Variants in PLCB1 observed in about 807,000 individuals in gnomAD.
PLCB1 encodes 1-phosphatidylinositol 4,5-bisphosphate phosphodiesterase beta-1.
Under a neutral mutation model 161.8 loss-of-function variants are expected in PLCB1, and 46 were observed. That is an observed-to-expected ratio of 0.28 (90% CI 0.22 to 0.36). The LOEUF is 0.36. PLCB1 is among the 10% of genes least tolerant of loss of function. PLCB1 has a pLI of 1.00. For synonymous variants in PLCB1, 517 were observed against 503.7 expected, an observed-to-expected ratio of 1.03 and a Z score of -0.35; for missense variants, 1,016 against 1,472.5, an observed-to-expected ratio of 0.69 and a Z score of 5.07.
At chr20:8,628,945 T>A (rs7270092) in intron 4 of PLCB1, among the ~76,000 whole-genome samples, 25,060 of 150,870 alleles carry the variant, frequency 0.17, 2,606 homozygotes, top group Non-Finnish European at 0.24. Context: ...AAAAAAAAAA[T>A]AAATAAATAA....
chr20:8,870,472 A>C (rs1568631625), intron 31 of PLCB1, among the ~76,000 whole-genome samples: 1 of 152,148 alleles, frequency 6.6e-6, no homozygotes. Flanking sequence ...CTATGTTAGG[A>C]GTTTTCCTCT....
intron 2 of PLCB1, among the ~76,000 whole-genome samples, chr20:8,247,367 C>T (rs115504831): frequency 0.023 from 3,540 of 151,974 alleles, 145 homozygotes; most frequent in African/African-American, 0.08. Context: ...ATTCATTCAA[C>T]ATATCATTTC....
At chr20:8,774,794 AC>A in intron 27 of PLCB1, 75 bp downstream of exon 27, 1 of 1,288,038 alleles carries the variant, frequency 7.8e-7, no homozygotes, top group Non-Finnish European at 1.1e-6. Flanking sequence ...CTTTTGGATA[AC>A]TAAAAGGAGA....
intron 9 of PLCB1, among the ~76,000 whole-genome samples, chr20:8,660,265 C>G (rs1348050691): frequency 6.6e-6 from 1 of 151,986 alleles, no homozygotes; most frequent in Admixed American, 6.6e-5. Flanking sequence ...CCCTTCCTTC[C>G]CTAGTACACA....
chr20:8,213,920 A>G (rs1357074026), intron 2 of PLCB1, among the ~76,000 whole-genome samples: 1 of 152,008 alleles, frequency 6.6e-6, no homozygotes, highest in Admixed American at 6.6e-5. Context: ...AATACAAATA[A>G]CGTCATTTTC....
At chr20:8,810,433 G>T (rs1026528851) in intron 31 of PLCB1, among the ~76,000 whole-genome samples, 3 of 152,046 alleles carry the variant, frequency 2.0e-5, no homozygotes, top group Admixed American at 6.6e-5. Context: ...GTATGAGGGA[G>T]AGTATAGAAG....
chr20:8,266,466 A>G (rs963614871), intron 2 of PLCB1, among the ~76,000 whole-genome samples: 2 of 152,198 alleles, frequency 1.3e-5, no homozygotes, highest in Non-Finnish European at 2.9e-5. Context: ...CTCAGGCATC[A>G]TTTCTTCTTG....
At chr20:8,377,025 G>C (rs904702482) in intron 3 of PLCB1, among the ~76,000 whole-genome samples, 1 of 152,184 alleles carries the variant, frequency 6.6e-6, no homozygotes, top group African/African-American at 2.4e-5. Context: ...CAAATTTCAA[G>C]CTACCAACCT....
intron 31 of PLCB1, among the ~76,000 whole-genome samples, chr20:8,808,828 A>G (rs888324066): frequency 5.9e-5 from 9 of 152,352 alleles, no homozygotes; most frequent in African/African-American, 2.2e-4. Context: ...CTAAGCTCAT[A>G]AGAGTCCATT....
At chr20:8,380,422 C>T (rs1987221539) in intron 3 of PLCB1, among the ~76,000 whole-genome samples, 1 of 152,136 alleles carries the variant, frequency 6.6e-6, no homozygotes, top group Admixed American at 6.5e-5. Flanking sequence ...ATTGTCTTGG[C>T]TATACAAGGT....
chr20:8,545,823 T>C (rs904764425), intron 3 of PLCB1, among the ~76,000 whole-genome samples: 7 of 152,146 alleles, frequency 4.6e-5, no homozygotes, highest in African/African-American at 1.7e-4. Flanking sequence ...ACGGCACACA[T>C]TTACCATATG....
intron 9 of PLCB1, among the ~76,000 whole-genome samples, chr20:8,674,361 T>A (rs963100727): frequency 6.6e-5 from 10 of 152,208 alleles, no homozygotes; most frequent in African/African-American, 2.4e-4. Context: ...TCTCTCTCTC[T>A]CACTCTCAAT....
chr20:8,204,040 CT>C (rs1168342277), intron 2 of PLCB1, among the ~76,000 whole-genome samples: 1 of 152,128 alleles, frequency 6.6e-6, no homozygotes, highest in Non-Finnish European at 1.5e-5. Context: ...TCAGGATCTA[CT>C]TCTGGGAGAC....
At position 8,397,507 on chromosome 20, in the gene PLCB1, C is replaced by T. The variant is rs191230268; in HGVS notation, c.246+26057C>T. ...CAGGGAAGTCACTCTCATCCATATC[C>T]TTCCACCCTATTCCTACCCACCTTC... On this transcript the variant is annotated intron_variant, in intron 3 of 31. Transcript: ENST00000338037. Among the ~76,000 whole-genome samples the T allele has an allele frequency of 4.6e-5, 7 of 152,200 alleles. No homozygotes were observed. The East Asian group carries it at 7.7e-4, about 17-fold the overall frequency.
chr20:8,273,348 A>C (rs1982376178), intron 2 of PLCB1, among the ~76,000 whole-genome samples: 1 of 152,158 alleles, frequency 6.6e-6, no homozygotes. Context: ...TTAAGTCTAA[A>C]GGTCTCGAAG....
intron 3 of PLCB1, among the ~76,000 whole-genome samples, chr20:8,407,616 A>G (rs1409431786): frequency 6.6e-6 from 1 of 152,194 alleles, no homozygotes; most frequent in East Asian, 1.9e-4. Context: ...ACAGGCCCCC[A>G]TGATTCAGTG....
At chr20:8,789,664 C>G (rs937311117) in intron 30 of PLCB1, 89 bp downstream of exon 30, 2 of 998,296 alleles carry the variant, frequency 2.0e-6, no homozygotes, top group African/African-American at 3.2e-5. Context: ...AAATGTCATG[C>G]CTTGCCATAA....
intron 9 of PLCB1, among the ~76,000 whole-genome samples, chr20:8,682,280 C>A (rs182297408): frequency 6.6e-6 from 1 of 152,000 alleles, no homozygotes; most frequent in Non-Finnish European, 1.5e-5. Context: ...GTGGGAGGAT[C>A]GCTTGAGTAC....
chr20:8,473,861 C>A (rs972819655), intron 3 of PLCB1, among the ~76,000 whole-genome samples: 10 of 152,312 alleles, frequency 6.6e-5, no homozygotes, highest in African/African-American at 2.2e-4. Context: ...AGAACCTTAA[C>A]CCCATTTATA....
Sources: allele counts gnomAD v4.1 joint callset (sites outside exome capture counted in the v4.1 genomes callset), GRCh38; gene constraint gnomAD v4.1.1; transcripts MANE v1.5; gene names NCBI Gene and HGNC (gene_info 2026-07-23, HGNC 2026-07-21).